SHB: variants seen among roughly 807,000 people sequenced by gnomAD.
SHB encodes the protein SH2 domain-containing adapter protein B.
SHB carries 20 observed loss-of-function variants against 52.3 expected under a neutral mutation model. The ratio of observed to expected loss-of-function variants is 0.38; its 90% confidence interval spans 0.27 to 0.56. The LOEUF (loss-of-function observed/expected upper bound fraction) is 0.56. SHB is among the 20% of genes least tolerant of loss of function. The probability of loss-of-function intolerance (pLI) is 0.71; values close to 1 mark genes in which losing one functional copy is unlikely to be tolerated. For synonymous variants in SHB, 397 were observed against 316.5 expected (o/e 1.25, Z -2.70); for missense variants, 825 against 723.3 (o/e 1.14, Z -1.61).
chr9:38,017,306 G>C (rs545733333), intron 1 of SHB, among the ~76,000 whole-genome samples: 1 of 152,282 alleles, frequency 6.6e-6, no homozygotes, highest in African/African-American at 2.4e-5. Flanking sequence ...CAACCCTTGG[G>C]GTTACATGAA....
intron 3 of SHB, among the ~76,000 whole-genome samples, chr9:37,972,354 A>T (rs1820599629): frequency 6.6e-6 from 1 of 152,194 alleles, no homozygotes; most frequent in Non-Finnish European, 1.5e-5. Context: ...TCAAGGGAAC[A>T]GAGGAGGCTG....
intron 5 of SHB, among the ~76,000 whole-genome samples, chr9:37,922,201 C>T (rs1832189876): frequency 6.6e-6 from 1 of 152,180 alleles, no homozygotes; most frequent in Non-Finnish European, 1.5e-5. Context: ...TGCCAGTGTG[C>T]AGGTATGAAG....
intron 2 of SHB, among the ~76,000 whole-genome samples, chr9:37,997,801 C>T (rs887439096): frequency 6.6e-6 from 1 of 152,198 alleles, no homozygotes; most frequent in Non-Finnish European, 1.5e-5. Context: ...GGGCAGATGG[C>T]CAGCTTATCA....
intron 3 of SHB, among the ~76,000 whole-genome samples, chr9:37,963,746 T>C (rs1027731991): frequency 5.3e-5 from 8 of 151,676 alleles, no homozygotes; most frequent in South Asian, 2.1e-4. Flanking sequence ...GTTTGGGAGG[T>C]AGGGTGGACT....
chr9:37,948,805 G>T (rs758441083), intron 4 of SHB, 51 bp from the exon 5 acceptor site: 7 of 1,608,020 alleles, frequency 4.4e-6, no homozygotes, highest in Non-Finnish European at 5.9e-6. Context: ...GGATTCCCAT[G>T]GCCCTGACCT....
chr9:37,978,092 C>T (rs1820675745), intron 2 of SHB, among the ~76,000 whole-genome samples: 1 of 152,156 alleles, frequency 6.6e-6, no homozygotes, highest in East Asian at 1.9e-4. Flanking sequence ...TTATGAAAGT[C>T]CCTGACAGTA....
At chr9:37,925,761 T>C (rs142054708) in intron 5 of SHB, among the ~76,000 whole-genome samples, 11 of 152,376 alleles carry the variant, frequency 7.2e-5, no homozygotes, top group African/African-American at 2.6e-4. Context: ...GGCACAAAGC[T>C]GTTGGGCCAT....
At chr9:37,934,924 G>A (rs1255308579) in intron 5 of SHB, among the ~76,000 whole-genome samples, 1 of 152,182 alleles carries the variant, frequency 6.6e-6, no homozygotes, top group Non-Finnish European at 1.5e-5. Flanking sequence ...CTGCACGTCT[G>A]CAAGTAATTG....
chr9:38,015,555 A>T (rs1821199340), intron 2 of SHB: 2 of 690,788 alleles, frequency 2.9e-6, no homozygotes, highest in Admixed American at 2.1e-5. Context: ...GGCCAGAAAT[A>T]ATTTTGTCTC....
chr9:38,014,871 C>T (rs572835330), intron 2 of SHB, among the ~76,000 whole-genome samples: 26 of 152,328 alleles, frequency 1.7e-4, no homozygotes, highest in East Asian at 1.2e-3. Flanking sequence ...GACATGGACC[C>T]GGCACACGCT....
chr9:38,017,110 T>C (rs1482982649), intron 1 of SHB, among the ~76,000 whole-genome samples: 1 of 152,200 alleles, frequency 6.6e-6, no homozygotes. Flanking sequence ...CTTCCTAACC[T>C]TTAGGAGAGG....
At chr9:37,940,823 T>G (rs1415542010) in intron 5 of SHB, among the ~76,000 whole-genome samples, 1 of 152,182 alleles carries the variant, frequency 6.6e-6, no homozygotes, top group African/African-American at 2.4e-5. Context: ...GCTGCCAACA[T>G]GCTTCCCTAT....
intron 2 of SHB, among the ~76,000 whole-genome samples, chr9:37,997,202 G>A (rs948072875): frequency 1.6e-4 from 25 of 152,130 alleles, no homozygotes; most frequent in African/African-American, 2.2e-4. Flanking sequence ...CAGCCATGCC[G>A]GCCACAGGCT....
chr9:38,039,939 T>G (rs553846000), intron 1 of SHB, among the ~76,000 whole-genome samples: 1 of 152,364 alleles, frequency 6.6e-6, no homozygotes, highest in African/African-American at 2.4e-5. Context: ...GGCCCCAGTC[T>G]TATTTTAAGC....
chr9:37,977,108 TATC>T (rs1564092746), intron 2 of SHB, among the ~76,000 whole-genome samples: 1 of 152,204 alleles, frequency 6.6e-6, no homozygotes, highest in Non-Finnish European at 1.5e-5. Context: ...GGTGGTTACT[TATC>T]ATTTTTATTT....
intron 4 of SHB, among the ~76,000 whole-genome samples, chr9:37,949,503 G>A (rs976543218): frequency 2.0e-5 from 3 of 152,136 alleles, no homozygotes; most frequent in Admixed American, 6.6e-5. Context: ...GGAAGCCAGA[G>A]AGGAGCTTTC....
intron 1 of SHB, among the ~76,000 whole-genome samples, chr9:38,023,923 T>C (rs766536554): frequency 6.6e-6 from 1 of 152,148 alleles, no homozygotes; most frequent in Non-Finnish European, 1.5e-5. Context: ...TTGACTATCA[T>C]CATAGACCAA....
Position 37,917,091 on chromosome 9 carries a change from A to C in SHB, c.*2730T>G, listed in dbSNP as rs1369257134. ...AAACCAAACCAAAGCCAGTAACCTGAATGTGAGTGTTTCTGAAAGGGAAAA... is the reference window on the plus strand; with the variant it reads ...AAACCAAACCAAAGCCAGTAACCTGCATGTGAGTGTTTCTGAAAGGGAAAA... On this transcript the variant is annotated 3_prime_UTR_variant, in exon 6 of 6. Transcript: ENST00000377707. 6.6e-6 allele frequency among the ~76,000 whole-genome samples: 1 copy of C among 152,150 alleles called. No individual in the cohort carries two copies. The highest frequency in any genetic ancestry group is 1.5e-5 in the Non-Finnish European group (1 of 68,020).
intron 2 of SHB, among the ~76,000 whole-genome samples, chr9:38,001,669 A>C (rs530476780): frequency 6.6e-6 from 1 of 152,342 alleles, no homozygotes; most frequent in East Asian, 1.9e-4. Context: ...AGGGACACTG[A>C]GGCACAAGCA....
Sources: allele counts gnomAD v4.1 joint callset (sites outside exome capture counted in the v4.1 genomes callset), GRCh38; gene constraint gnomAD v4.1.1; transcripts MANE v1.5; gene names NCBI Gene and HGNC (gene_info 2026-07-23, HGNC 2026-07-21).